SDK1: variants seen among roughly 807,000 people sequenced by gnomAD.
SDK1 encodes sidekick cell adhesion molecule 1.
Under a neutral mutation model 245.5 loss-of-function variants are expected in SDK1, and 157 were observed. The ratio of observed to expected loss-of-function variants is 0.64; its 90% CI spans 0.56 to 0.73. SDK1 has a LOEUF of 0.73. Among genes scored for constraint, SDK1 ranks in the 30% least tolerant of loss-of-function variants. SDK1 has a pLI of 0.00. For synonymous variants in SDK1, 1,647 were observed against 1,278.5 expected, an observed-to-expected ratio of 1.29 and a Z score of -6.15; for missense variants, 3,583 against 3,002.3, an observed-to-expected ratio of 1.19 and a Z score of -4.52.
chr7:3,969,927 A>G (rs1161490280), intron 11 of SDK1, among the ~76,000 whole-genome samples: 2 of 152,220 alleles, frequency 1.3e-5, no homozygotes, highest in Non-Finnish European at 2.9e-5. Flanking sequence ...CTTCTAATAT[A>G]CTAACTATCA....
intron 17 of SDK1, among the ~76,000 whole-genome samples, chr7:4,028,175 G>A (rs921790553): frequency 6.6e-6 from 1 of 152,128 alleles, no homozygotes; most frequent in African/African-American, 2.4e-5. Context: ...CAGACCCACT[G>A]AATCAGAAAC....
At chr7:3,329,488 C>G (rs947081695) in intron 1 of SDK1, among the ~76,000 whole-genome samples, 11 of 152,168 alleles carry the variant, frequency 7.2e-5, no homozygotes, top group African/African-American at 2.4e-4. Flanking sequence ...GTATTTTCTT[C>G]TCCCTAAAAG....
chr7:4,021,175 C>A (rs1458644278), intron 17 of SDK1, among the ~76,000 whole-genome samples: 2 of 152,098 alleles, frequency 1.3e-5, no homozygotes, highest in African/African-American at 2.4e-5. Flanking sequence ...TCCTTGGGGA[C>A]CTGCAGTCTG....
At chr7:3,726,040 G>A (rs1281520689) in intron 4 of SDK1, among the ~76,000 whole-genome samples, 1 of 152,178 alleles carries the variant, frequency 6.6e-6, no homozygotes, top group Non-Finnish European at 1.5e-5. Context: ...TGCTAAGTGT[G>A]CTTGAAGCAA....
chr7:3,386,439 G>A (rs539879724), intron 1 of SDK1, among the ~76,000 whole-genome samples: 1 of 152,086 alleles, frequency 6.6e-6, no homozygotes, highest in African/African-American at 2.4e-5. Context: ...TCAGACTCTT[G>A]GAATCATTTC....
chr7:3,806,694 C>T lies in SDK1; in HGVS notation c.714-14756C>T, dbSNP rs112806637. 2.6e-3 allele frequency among the ~76,000 whole-genome samples: 400 copies of T among 152,320 alleles called. 2 individuals carry two copies. The highest frequency in any genetic ancestry group is 3.5e-3 in the Non-Finnish European group (240 of 68,034). On this transcript the variant is annotated intron_variant, in intron 4 of 44. Transcript: ENST00000404826. The stretch of plus-strand genomic sequence containing the variant: ...AAATACATCACAACCTATGAAACCA[C>T]GTTGCAGTTCTCTGAGGAGATGAAT...
chr7:4,199,382 T>C (rs1783761780), intron 35 of SDK1, among the ~76,000 whole-genome samples: 1 of 152,176 alleles, frequency 6.6e-6, no homozygotes, highest in Non-Finnish European at 1.5e-5. Flanking sequence ...CAGTGGGTGA[T>C]GATGGCTATT....
intron 26 of SDK1, 97 bp downstream of exon 26, chr7:4,127,593 C>T (rs906759370): frequency 2.3e-6 from 2 of 855,448 alleles, no homozygotes; most frequent in African/African-American, 1.7e-5. Context: ...TCCTCTTCTC[C>T]TACAGATCTG....
At chr7:3,904,672 A>G (rs1781901526) in intron 5 of SDK1, among the ~76,000 whole-genome samples, 1 of 151,930 alleles carries the variant, frequency 6.6e-6, no homozygotes, top group Non-Finnish European at 1.5e-5. Context: ...CCAGCCTGAG[A>G]GACAGAGTGA....
intron 3 of SDK1, among the ~76,000 whole-genome samples, chr7:3,639,346 G>C (rs1271952320): frequency 6.6e-6 from 1 of 152,168 alleles, no homozygotes; most frequent in Non-Finnish European, 1.5e-5. Flanking sequence ...GACCCTAAGA[G>C]GCCCTGGGGA....
At position 3,972,270 on chromosome 7, in the gene SDK1, G is replaced by A. The variant is rs572353077; in HGVS notation, c.1817+702G>A. Among the ~76,000 whole-genome samples the A allele has an allele frequency of 9.9e-5, 15 of 152,032 alleles. No homozygotes were observed. The South Asian group carries it at 2.1e-3, about 21-fold the overall frequency. On this transcript the variant is annotated intron_variant, in intron 12 of 44. Coordinates refer to ENST00000404826, the MANE Select transcript of SDK1 (RefSeq NM_152744.4). ...ATTTTTTTGTATTTTTAGTAGAGAC[G>A]GCGTTTCACCATGTTAGCCAGGATG...
At chr7:3,814,077 A>T (rs1191233293) in intron 4 of SDK1, among the ~76,000 whole-genome samples, 1 of 131,668 alleles carries the variant, frequency 7.6e-6, no homozygotes, top group Non-Finnish European at 1.6e-5. Context: ...GTTCACTCTG[A>T]TGGTAGTTTC....
intron 2 of SDK1, among the ~76,000 whole-genome samples, chr7:3,627,144 G>A (rs902141580): frequency 1.9e-4 from 29 of 152,090 alleles, no homozygotes; most frequent in African/African-American, 5.8e-4. Context: ...GCCGAGGCTC[G>A]TCTCAAACTC....
chr7:4,077,874 C>T (rs1444801474), intron 21 of SDK1, among the ~76,000 whole-genome samples: 1 of 152,158 alleles, frequency 6.6e-6, no homozygotes, highest in Admixed American at 6.6e-5. Context: ...GGGACACAGC[C>T]AAACCATATC....
At chr7:3,734,416 G>C (rs1344556445) in intron 4 of SDK1, among the ~76,000 whole-genome samples, 3 of 152,098 alleles carry the variant, frequency 2.0e-5, no homozygotes, top group African/African-American at 7.2e-5. Flanking sequence ...ATTAATAATA[G>C]GTCCTGAAAT....
intron 1 of SDK1, among the ~76,000 whole-genome samples, chr7:3,480,491 G>A (rs564320786): frequency 6.6e-6 from 1 of 152,240 alleles, no homozygotes; most frequent in South Asian, 2.1e-4. Context: ...ATACGCTCAT[G>A]TAGGAACTAC....
intron 1 of SDK1, among the ~76,000 whole-genome samples, chr7:3,514,223 G>C (rs1782665426): frequency 6.6e-6 from 1 of 152,148 alleles, no homozygotes; most frequent in Non-Finnish European, 1.5e-5. Flanking sequence ...TTTGTGTATA[G>C]GAGATTTACA....
At chr7:3,565,887 C>A (rs1187687893) in intron 1 of SDK1, among the ~76,000 whole-genome samples, 1 of 152,120 alleles carries the variant, frequency 6.6e-6, no homozygotes, top group African/African-American at 2.4e-5. Context: ...TGATCAGATC[C>A]ATAGATGTGG....
At chr7:3,865,941 G>A (rs1365169637) in intron 5 of SDK1, among the ~76,000 whole-genome samples, 1 of 152,194 alleles carries the variant, frequency 6.6e-6, no homozygotes, top group Non-Finnish European at 1.5e-5. Context: ...CACTTAAAGT[G>A]TGTATTTGAA....
Sources: gnomAD v4.1 joint callset for allele counts (sites outside exome capture counted in the v4.1 genomes callset) on GRCh38, gnomAD v4.1.1 for gene constraint, MANE v1.5 for transcripts, NCBI Gene and HGNC (gene_info 2026-07-23, HGNC 2026-07-21) for gene names.